SCRN2: variants seen among roughly 807,000 people sequenced by gnomAD.
SCRN2 encodes secernin 2.
In SCRN2, 30 loss-of-function variants were observed where a neutral mutation model predicts 40.1. That is an observed-to-expected ratio of 0.75 (90% CI 0.56 to 1.01). The LOEUF is 1.01. Among genes scored for constraint, SCRN2 ranks in the 50% least tolerant of loss-of-function variants. The pLI, the probability that SCRN2 is intolerant of heterozygous loss-of-function variation, is 0.00. For synonymous variants in SCRN2, 240 were observed against 233.5 expected, an observed-to-expected ratio of 1.03 and a Z score of -0.25; for missense variants, 526 against 564.9, an observed-to-expected ratio of 0.93 and a Z score of 0.70.
intron 1 of SCRN2, 25 bp from the exon 2 acceptor site, chr17:47,840,868 A>C: frequency 6.7e-7 from 1 of 1,484,720 alleles, no homozygotes; most frequent in Non-Finnish European, 9.0e-7. Context: ...GCCTCTCCAT[A>C]ACCCTGGCCA....
At chr17:47,838,234 ATCC>A in intron 7 of SCRN2, 33 bp downstream of exon 7, 1 of 1,574,062 alleles carries the variant, frequency 6.4e-7, no homozygotes, top group Non-Finnish European at 8.6e-7. Context: ...GAGGTCTATC[ATCC>A]CCTCAAGGTA....
At chr17:47,840,959 C>T in intron 1 of SCRN2, 116 bp from the exon 2 acceptor site, 2 of 994,530 alleles carry the variant, frequency 2.0e-6, no homozygotes, top group Non-Finnish European at 2.8e-6. Flanking sequence ...CCTGGACGCT[C>T]GGCGCACACA....
chr17:47,840,527 G>T, intron 2 of SCRN2, 143 bp downstream of exon 2: 1 of 1,232,010 alleles, frequency 8.1e-7, no homozygotes, highest in Non-Finnish European at 1.1e-6. Context: ...TACATAATGA[G>T]CTCAGGTCCA....
chr17:47,840,334 G>A lies in SCRN2; in HGVS notation c.213C>T (p.His71=). 6.2e-7 allele frequency: 1 copy of A among 1,614,150 alleles called. No individual in the cohort carries two copies. Residue 71 remains histidine (H), a synonymous_variant, in exon 3 of 8, where the codon CAC becomes CAT. Transcript: ENST00000290216. ...YIEVEQVSKT[H]AVILSRPSWL... is the part of the protein sequence containing the mutation. Reference sequence around the variant, plus strand: ...AAGAAGGACGGCTCAGAATCACAGCGTGCGTCTTCGACACCTGTTCCACTT... The same window carrying A: ...AAGAAGGACGGCTCAGAATCACAGCATGCGTCTTCGACACCTGTTCCACTT...
intron 4 of SCRN2, among the ~76,000 whole-genome samples, 185 bp from the exon 5 acceptor site, chr17:47,839,191 C>T (rs115162274): frequency 1.3e-5 from 2 of 152,224 alleles, no homozygotes; most frequent in African/African-American, 4.8e-5. Flanking sequence ...GTGTTGAATG[C>T]GATGAAAAAG....
Position 47,838,780 on chromosome 17 carries a change from C to A in SCRN2, c.772+11G>T. 1 of 1,612,356 alleles carries A rather than the reference C, an allele frequency of 6.2e-7. No individual in the cohort carries two copies. The highest frequency in any genetic ancestry group is 1.1e-5 in the South Asian group (1 of 91,048). On this transcript the variant is annotated intron_variant, in intron 5 of 7. Coordinates refer to ENST00000290216, the MANE Select transcript of SCRN2 (RefSeq NM_138355.4). The stretch of plus-strand genomic sequence containing the variant: ...CCTCCTGGCCCCCAGCCCCCTCCAC[C>A]GTTCACTAACCTTGCCGTTGCCGCA...
In SCRN2 at chr17:47,840,796, G is replaced by T; in HGVS notation, c.48C>A (p.Val16=). ...PDSPCSCDCF[V]SVPPASAIPA... ...GGATGGCTGAGGCCGGGGGCACGGA[G>T]ACAAAGCAGTCGCAGGAACATGGGG... is the stretch of plus-strand genomic sequence containing the variant. Residue 16 remains valine (V), a synonymous_variant, in exon 2 of 8, where the codon GTC becomes GTA. Coordinates refer to ENST00000290216, the MANE Select transcript of SCRN2 (RefSeq NM_138355.4). 6.4e-6 allele frequency: 10 copies of T among 1,573,952 alleles called. No homozygotes were observed. Among genetic ancestry groups the T allele is most frequent in the Non-Finnish European group, 8.6e-6 (10 of 1,157,658 alleles).
rs1311240282 is a variant in SCRN2 at position 47,838,645 on chromosome 17, C to T, written c.824G>A (p.Gly275Asp). The change falls in exon 6 of 8, where the codon GGT becomes GAT. Residue 275 changes from glycine (G) to aspartate (D), a missense_variant. By Grantham distance (94) the Gly-to-Asp change is moderately conservative. Transcript: ENST00000290216. Reference protein sequence around the residue: ...MMGILRDKESGICMDSGGFRT... With the variant: ...MMGILRDKESDICMDSGGFRT... ...AAAGCCTCCCGAGTCCATACAGATACCACTCTCCTTGTCTCTGAGGATGCC... is the reference window on the plus strand; with the variant it reads ...AAAGCCTCCCGAGTCCATACAGATATCACTCTCCTTGTCTCTGAGGATGCC... The T allele has an allele frequency of 6.2e-7, 1 of 1,613,986 alleles. No homozygotes were observed. The highest frequency in any genetic ancestry group is 8.5e-7 in the Non-Finnish European group (1 of 1,180,036).
Position 47,838,369 on chromosome 17 carries a change from G to C in SCRN2, c.1020C>G (p.Asp340Glu). 1.2e-6 allele frequency: 2 copies of C among 1,609,858 alleles called. No individual in the cohort carries two copies. Among genetic ancestry groups the C allele is most frequent in the Non-Finnish European group, 1.7e-6 (2 of 1,178,514 alleles). ...GGAATCGGGGCAGGGTCCGAACAGGGTCTTGTGCTCCAAAAGTGGGGGACA... is the reference window on the plus strand; with the variant it reads ...GGAATCGGGGCAGGGTCCGAACAGGCTCTTGTGCTCCAAAAGTGGGGGACA... ...QVLSPTFGAQ[D>E]PVRTLPRFQT... Residue 340 changes from aspartate to glutamate, a missense_variant, in exon 7 of 8, where the codon GAC (aspartate) becomes GAG (glutamate). By Grantham distance (45) the Asp-to-Glu change is conservative. Coordinates refer to ENST00000290216, the MANE Select transcript of SCRN2 (RefSeq NM_138355.4).
Position 47,839,506 on chromosome 17 carries a change from T to G in SCRN2, c.494A>C (p.Asp165Ala). 1 of 1,613,876 alleles carries G rather than the reference T, an allele frequency of 6.2e-7. No homozygotes were observed. The highest frequency in any genetic ancestry group is 8.5e-7 in the Non-Finnish European group (1 of 1,180,036). The change falls in exon 4 of 8, where the codon GAC becomes GCC. Residue 165 changes from aspartate to alanine, a missense_variant. By Grantham distance (126) the Asp-to-Ala change is moderately radical. Coordinates refer to ENST00000290216, the MANE Select transcript of SCRN2 (RefSeq NM_138355.4). ...FSYHSTFLLA[D>A]RTEAWVLETA... is the part of the protein sequence containing the mutation. ...CTCCAGCACCCACGCCTCAGTGCGGTCAGCCAGCAGGAAGGTGCTATGGTA... is the reference window on the plus strand; with the variant it reads ...CTCCAGCACCCACGCCTCAGTGCGGGCAGCCAGCAGGAAGGTGCTATGGTA...
intron 7 of SCRN2, 86 bp from the exon 8 acceptor site, chr17:47,838,088 C>T: frequency 6.4e-7 from 1 of 1,559,832 alleles, no homozygotes; most frequent in East Asian, 2.3e-5. Context: ...CTCACACAAG[C>T]AGGAGAAAGG....
intron 2 of SCRN2, 88 bp from the exon 3 acceptor site, chr17:47,840,460 CT>C: frequency 6.9e-7 from 1 of 1,449,184 alleles, no homozygotes; most frequent in Non-Finnish European, 9.4e-7. Flanking sequence ...TTATAGATCC[CT>C]TTGAGGAAGG....
chr17:47,838,866 T>G lies in SCRN2; in HGVS notation c.697A>C (p.Thr233Pro), dbSNP rs1598050170. The G allele has an allele frequency of 6.2e-7, 1 of 1,613,538 alleles. No homozygotes were observed. The highest frequency in any genetic ancestry group is 8.5e-7 in the Non-Finnish European group (1 of 1,180,004). The change falls in exon 5 of 8, where the codon ACC becomes CCC. Residue 233 changes from threonine to proline, a missense_variant. Physicochemically the swap from Thr to Pro is conservative, Grantham distance 38 (BLOSUM62 -1). Transcript: ENST00000290216. ...AFDFAQIFSL[T>P]QQPVRMEAAK... The stretch of plus-strand genomic sequence containing the variant: ...GCCTCCATGCGCACAGGCTGCTGGG[T>G]CAGGGAGAAGATCTGAGCAAAGTCA...
Position 47,838,551 on chromosome 17 carries a change from G to A in SCRN2, c.918C>T (p.Thr306=), listed in dbSNP as rs185581282. 106 of 1,614,052 alleles carry A rather than the reference G, an allele frequency of 6.6e-5. No homozygotes were observed. Among genetic ancestry groups the A allele is most frequent in the South Asian group, 1.9e-4 (17 of 91,084 alleles). The change falls in exon 6 of 8, where the codon ACC becomes ACT. Residue 306 remains threonine (T), a synonymous_variant. Transcript: ENST00000290216. ...CCCACCTGGATGGGTCTGGCGTGGCGGTAAGAAAGTGCACGCAGGGCTGCG... is the reference window on the plus strand; with the variant it reads ...CCCACCTGGATGGGTCTGGCGTGGCAGTAAGAAAGTGCACGCAGGGCTGCG... ...DPTQPCVHFL[T]ATPDPSRSVF...
chr17:47,839,446 T>C lies in SCRN2; in HGVS notation c.554A>G (p.Gln185Arg). ...CTGGGAGAAAGGGAACACCTCACCC[T>C]GGATCCTCTGTGCAGCCCAGAGCCT... ...AGRLWAAQRI[Q>R]EGARNISNQL... The change falls in exon 4 of 8, where the codon CAG (glutamine) becomes CGG (arginine). Residue 185 changes from glutamine (Q) to arginine (R), a missense_variant and splice_region_variant. By Grantham distance (43) the Gln-to-Arg change is conservative. Transcript: ENST00000290216. 6.2e-7 allele frequency: 1 copy of C among 1,612,394 alleles called. No individual in the cohort carries two copies. The highest frequency in any genetic ancestry group is 1.7e-5 in the Admixed American group (1 of 60,020).
chr17:47,840,926 G>A (rs776616139), intron 1 of SCRN2, 83 bp from the exon 2 acceptor site: 11 of 1,290,994 alleles, frequency 8.5e-6, no homozygotes, highest in Non-Finnish European at 1.1e-5. Flanking sequence ...TAAAAGACGC[G>A]CAAGGAAGAC....
chr17:47,838,222 G>T, intron 7 of SCRN2, 48 bp downstream of exon 7: 1 of 1,571,528 alleles, frequency 6.4e-7, no homozygotes, highest in Non-Finnish European at 8.6e-7. Flanking sequence ...CTGGGAGTGG[G>T]GGAGGTCTAT....
intron 1 of SCRN2, 26 bp from the exon 2 acceptor site, chr17:47,840,869 A>G: frequency 6.8e-6 from 10 of 1,481,006 alleles, no homozygotes; most frequent in Non-Finnish European, 9.0e-6. Context: ...CCTCTCCATA[A>G]CCCTGGCCAC....
intron 1 of SCRN2, 109 bp from the exon 2 acceptor site, chr17:47,840,952 G>C: frequency 9.2e-7 from 1 of 1,083,012 alleles, no homozygotes; most frequent in South Asian, 2.2e-5. Flanking sequence ...CGTGGCTCCT[G>C]GACGCTCGGC....
Sources: gnomAD v4.1 joint callset for allele counts (sites outside exome capture counted in the v4.1 genomes callset) on GRCh38, gnomAD v4.1.1 for gene constraint, MANE v1.5 for transcripts, NCBI Gene and HGNC (gene_info 2026-07-23, HGNC 2026-07-21) for gene names.